The following FBXO38 variants were observed in gnomAD, a reference collection of about 807,000 sequenced individuals.
The protein encoded by FBXO38 is F-box protein 38, also known as F-box only protein 38.
Under a neutral mutation model 131.9 loss-of-function variants are expected in FBXO38, and 53 were observed. That is an observed-to-expected ratio of 0.40 (90% CI 0.32 to 0.51). The LOEUF is 0.51. FBXO38 is among the 20% of genes least tolerant of loss of function. The pLI is 0.53. For missense variants in FBXO38, 1,076 were observed against 1,475.6 expected, an observed-to-expected ratio of 0.73 and a Z score of 4.44; for synonymous variants, 452 against 505.6, an observed-to-expected ratio of 0.89 and a Z score of 1.42.
chr5:148,405,080 G>T (rs1386373023), intron 6 of FBXO38, among the ~76,000 whole-genome samples: 2 of 150,446 alleles, frequency 1.3e-5, no homozygotes, highest in African/African-American at 4.9e-5. Flanking sequence ...CTTTTCCTAG[G>T]ATTGTTTTAT....
At chr5:148,396,788 G>A (rs1231696221) in intron 2 of FBXO38, among the ~76,000 whole-genome samples, 1 of 152,068 alleles carries the variant, frequency 6.6e-6, no homozygotes, top group Non-Finnish European at 1.5e-5. Context: ...TCATTTTTTG[G>A]TAGAGGCAGG....
At position 148,442,186 on chromosome 5, in the gene FBXO38, A is replaced by G. The variant is rs1427780743; in HGVS notation, c.*39A>G. On this transcript the variant is annotated 3_prime_UTR_variant, in exon 22 of 22. Transcript: ENST00000340253. ...CTTTCCAGCTATTTTGTCAGAAAGCAAGTAGGGCCATCCAGCTGCCAGAGT... is the reference window on the plus strand; with the variant it reads ...CTTTCCAGCTATTTTGTCAGAAAGCGAGTAGGGCCATCCAGCTGCCAGAGT... The G allele has an allele frequency of 1.3e-6, 2 of 1,592,286 alleles. No homozygotes were observed. Among genetic ancestry groups the G allele is most frequent in the African/African-American group, 2.7e-5 (2 of 74,596 alleles).
At position 148,410,816 on chromosome 5, in the gene FBXO38, G is replaced by C. The variant is rs1235386658; in HGVS notation, c.1093+51G>C. The C allele has an allele frequency of 2.6e-6, 4 of 1,533,830 alleles. No individual in the cohort carries two copies. In the East Asian group the frequency reaches 9.3e-5, roughly 36 times the overall value. ...TAGAATTACTGTAAGAAATTTACTT[G>C]ACAAACTGAAATCTGAATTGGGTTG... On this transcript the variant is annotated intron_variant, in intron 9 of 21. Transcript: ENST00000340253.
chr5:148,401,145 A>G (rs1385848933), intron 3 of FBXO38, among the ~76,000 whole-genome samples: 3 of 152,150 alleles, frequency 2.0e-5, no homozygotes, highest in African/African-American at 7.2e-5. Context: ...TTTCTTTGTC[A>G]TTAATAAGCA....
At position 148,425,508 on chromosome 5, in the gene FBXO38, T is replaced by C. The variant is rs1384224713; in HGVS notation, c.1739-14T>C. ...GCGCAAAAAGTAACTGTTAGGCCTG[T>C]GCTTTTTTTTAAGGACCCAGTGGTC... On this transcript the variant is annotated splice_polypyrimidine_tract_variant and intron_variant, in intron 13 of 21. Transcript: ENST00000340253. 4 of 1,605,838 alleles carry C rather than the reference T, an allele frequency of 2.5e-6. No individual in the cohort carries two copies. In the East Asian group the frequency reaches 8.9e-5, roughly 36 times the overall value.
At chr5:148,434,846 C>T (rs1754253068) in intron 17 of FBXO38, 1 of 152,056 alleles carries the variant, frequency 6.6e-6, no homozygotes, top group Non-Finnish European at 1.5e-5. Context: ...AATCCCAGCA[C>T]TTTGGGAGGC....
intron 17 of FBXO38, among the ~76,000 whole-genome samples, chr5:148,436,703 A>G (rs1754364428): frequency 6.6e-6 from 1 of 152,208 alleles, no homozygotes; most frequent in Admixed American, 6.5e-5. Flanking sequence ...AAGAAAGGAG[A>G]GATGAAACTG....
chr5:148,423,225 A>G (rs1753540772), intron 12 of FBXO38, among the ~76,000 whole-genome samples: 1 of 152,140 alleles, frequency 6.6e-6, no homozygotes, highest in Non-Finnish European at 1.5e-5. Context: ...CAAGGAGTAT[A>G]AATTTCCCAC....
Position 148,402,095 on chromosome 5 carries a change from T to G in FBXO38, c.376T>G (p.Phe126Val). 1 of 1,613,642 alleles carries G rather than the reference T, an allele frequency of 6.2e-7. No individual in the cohort carries two copies. Among genetic ancestry groups the G allele is most frequent in the South Asian group, 1.1e-5 (1 of 91,076 alleles). The change falls in exon 4 of 22, where the codon TTT (phenylalanine) becomes GTT (valine). Residue 126 changes from phenylalanine to valine, a missense_variant. Phe to Val is a conservative substitution (Grantham distance 50, BLOSUM62 -1). Around this residue, in one of 8 missense-constraint regions of FBXO38, gnomAD observed 96 missense variants for 193.9 expected, o/e 0.50. Coordinates refer to ENST00000340253, the MANE Select transcript of FBXO38 (RefSeq NM_205836.3). Reference sequence around the variant, plus strand: ...GCGAAGAGTAAGGGGCCATGAGGCTTTTAGCATTCCAGGAGTCCTAGAAGC... The same window carrying G: ...GCGAAGAGTAAGGGGCCATGAGGCTGTTAGCATTCCAGGAGTCCTAGAAGC... Reference protein sequence around the residue: ...ERRRVRGHEAFSIPGVLEALQ... With the variant: ...ERRRVRGHEAVSIPGVLEALQ...
At chr5:148,417,408 A>G (rs568098080) in intron 12 of FBXO38, among the ~76,000 whole-genome samples, 81 of 152,264 alleles carry the variant, frequency 5.3e-4, no homozygotes, top group African/African-American at 1.7e-3. Flanking sequence ...CACAGACCCT[A>G]TAAGAATACC....
At chr5:148,421,341 T>G (rs2113607009) in intron 12 of FBXO38, among the ~76,000 whole-genome samples, 1 of 152,244 alleles carries the variant, frequency 6.6e-6, no homozygotes, top group Middle Eastern at 3.4e-3. Context: ...AACCACTGAT[T>G]TTGTAAAATT....
chr5:148,428,321 G>A (rs192297258), intron 15 of FBXO38, among the ~76,000 whole-genome samples: 2 of 152,318 alleles, frequency 1.3e-5, no homozygotes, highest in African/African-American at 2.4e-5. Flanking sequence ...AGGACTTGAC[G>A]TTGCTGGGGC....
At chr5:148,399,202 G>T in intron 3 of FBXO38, 70 bp downstream of exon 3, 1 of 1,554,098 alleles carries the variant, frequency 6.4e-7, no homozygotes, top group Non-Finnish European at 8.7e-7. Flanking sequence ...TTCATAAAAA[G>T]TTACTTGTTG....
chr5:148,440,357 C>T lies in FBXO38; in HGVS notation c.3171-67C>T. ...TGTGTCCGAAACAGTTTTGATGGTT[C>T]CTTCCTACCCGACACTAATTATTTC... On this transcript the variant is annotated intron_variant, in intron 19 of 21. Coordinates refer to ENST00000340253, the MANE Select transcript of FBXO38 (RefSeq NM_205836.3). 3 of 946,330 alleles carry T rather than the reference C, an allele frequency of 3.2e-6. No homozygotes were observed. The South Asian group carries it at 4.2e-5, about 13-fold the overall frequency. The allele number at this position is 946,330 out of a possible 1,614,324, so 58.6% of individuals were successfully genotyped here.
chr5:148,441,899 AG>A lies in FBXO38; in HGVS notation c.3389-69del. 6 of 1,367,248 alleles carry A rather than the reference AG, an allele frequency of 4.4e-6. No homozygotes were observed. In the South Asian group the frequency reaches 8.1e-5, roughly 18 times the overall value. 84.7% of individuals were successfully genotyped at this position (1,367,248 alleles called of 1,614,324 possible). On this transcript the variant is annotated intron_variant, in intron 21 of 21. Transcript: ENST00000340253. ...AGTATATGGGACTGTCCTATGGACC[AG>A]CTTATCAGTGATTTTCCAAATGATT...
At chr5:148,390,262 A>AT (rs1042028953) in intron 1 of FBXO38, among the ~76,000 whole-genome samples, 1 of 152,090 alleles carries the variant, frequency 6.6e-6, no homozygotes, top group African/African-American at 2.4e-5. Context: ...AAAATAAAAT[A>AT]TTTTTTGACC....
intron 9 of FBXO38, among the ~76,000 whole-genome samples, chr5:148,411,502 T>C (rs1752752372): frequency 6.6e-6 from 1 of 152,220 alleles, no homozygotes; most frequent in Non-Finnish European, 1.5e-5. Context: ...TAACATTTTT[T>C]CTTTGGATCT....
chr5:148,399,248 G>T, intron 3 of FBXO38, 116 bp downstream of exon 3: 1 of 1,181,310 alleles, frequency 8.5e-7, no homozygotes, highest in Non-Finnish European at 1.2e-6. Context: ...CTTGTAGGCT[G>T]GCAAGATTTT....
chr5:148,409,067 T>C, intron 7 of FBXO38, 57 bp from the exon 8 acceptor site: 1 of 935,934 alleles, frequency 1.1e-6, no homozygotes, highest in Non-Finnish European at 1.8e-6. Context: ...GTATAGTATA[T>C]AAATACTTCA....
Sources: gnomAD v4.1 joint callset for allele counts (sites outside exome capture counted in the v4.1 genomes callset) on GRCh38, gnomAD v4.1.1 for gene constraint, gnomAD v4.1.1 regional missense constraint, MANE v1.5 for transcripts, NCBI Gene and HGNC (gene_info 2026-07-23, HGNC 2026-07-21) for gene names.